PHLPP1: variants seen among roughly 807,000 people sequenced by gnomAD.
PHLPP1 encodes PH domain and leucine rich repeat protein phosphatase 1, also known as PH domain leucine-rich repeat-containing protein phosphatase 1.
In PHLPP1, 42 loss-of-function variants were observed where a neutral mutation model predicts 117.2. The ratio of observed to expected loss-of-function variants is 0.36; its 90% CI spans 0.28 to 0.46. PHLPP1 has a LOEUF of 0.46. Among genes scored for constraint, PHLPP1 ranks in the 20% least tolerant of loss-of-function variants. The pLI, the probability that PHLPP1 is intolerant of heterozygous loss-of-function variation, is 1.00. For synonymous variants in PHLPP1, 1,042 were observed against 970.7 expected, an observed-to-expected ratio of 1.07 and a Z score of -1.37; for missense variants, 2,084 against 2,241.9, an observed-to-expected ratio of 0.93 and a Z score of 1.42.
chr18:62,919,224 A>T (rs1017104324), intron 9 of PHLPP1, among the ~76,000 whole-genome samples: 46 of 152,176 alleles, frequency 3.0e-4, no homozygotes. Flanking sequence ...GAGAAGTCTG[A>T]AGTGGTCATA....
rs376948457 is a variant in PHLPP1 at position 62,963,389 on chromosome 18, T to C, written c.3477T>C (p.Ile1159=). The stretch of plus-strand genomic sequence containing the variant: ...TTAGTAATATCCGCTGTTTCAAGAT[T>C]GATCAGCCTTCTACAGGAGACGCTT... ...ELLNNIRCFK[I]DQPSTGDASG... is the part of the protein sequence containing the mutation. Residue 1159 remains isoleucine, a synonymous_variant, in exon 14 of 17, where the codon ATT becomes ATC. Coordinates refer to ENST00000262719, the MANE Select transcript of PHLPP1 (RefSeq NM_194449.4). 1.5e-4 allele frequency: 234 copies of C among 1,612,794 alleles called. No individual in the cohort carries two copies. The African/African-American group carries it at 2.8e-3, about 19-fold the overall frequency.
At position 62,941,809 on chromosome 18, in the gene PHLPP1, T is replaced by C. The variant is rs762066950; in HGVS notation, c.3052T>C (p.Tyr1018His). 1.1e-5 allele frequency: 17 copies of C among 1,613,992 alleles called. 1 individual carries two copies. The South Asian group carries it at 1.9e-4, about 18-fold the overall frequency. Residue 1018 changes from tyrosine (Y) to histidine (H), a missense_variant, in exon 11 of 17, where the codon TAT becomes CAT. Tyr to His is a moderately conservative substitution (Grantham distance 83). Coordinates refer to ENST00000262719, the MANE Select transcript of PHLPP1 (RefSeq NM_194449.4). ...GACAAACAGTATCTTACAAGAGTTG[T>C]ATTTGACAAATAACAGCCTCACAGA... is the stretch of plus-strand genomic sequence containing the variant. ...EETNSILQEL[Y>H]LTNNSLTDKC... is the part of the protein sequence containing the mutation.
intron 4 of PHLPP1, among the ~76,000 whole-genome samples, chr18:62,884,991 C>T (rs1162123799): frequency 6.6e-6 from 1 of 152,194 alleles, no homozygotes; most frequent in Non-Finnish European, 1.5e-5. Context: ...AAATAGTCAT[C>T]ATGCTGTTTA....
At chr18:62,917,512 CTGT>C (rs1286336067) in intron 9 of PHLPP1, among the ~76,000 whole-genome samples, 1 of 151,016 alleles carries the variant, frequency 6.6e-6, no homozygotes, top group Non-Finnish European at 1.5e-5. Context: ...TGTGTGAGCC[CTGT>C]TGTTGATGTA....
At chr18:62,873,220 A>C (rs932477773) in intron 4 of PHLPP1, among the ~76,000 whole-genome samples, 1 of 152,126 alleles carries the variant, frequency 6.6e-6, no homozygotes, top group Non-Finnish European at 1.5e-5. Flanking sequence ...TGATAGTAAT[A>C]ATTTGTATGT....
intron 1 of PHLPP1, among the ~76,000 whole-genome samples, chr18:62,802,818 C>T (rs1014922726): frequency 1.3e-5 from 2 of 151,804 alleles, no homozygotes; most frequent in Admixed American, 6.6e-5. Flanking sequence ...AAGGTAGAAA[C>T]GTACTAATTA....
chr18:62,732,309 G>A (rs12965913), intron 1 of PHLPP1, among the ~76,000 whole-genome samples: 7,091 of 152,218 alleles, frequency 0.047, 181 homozygotes, highest in Middle Eastern at 0.061. Flanking sequence ...TACCATTTTG[G>A]AAATCCTAGG....
intron 13 of PHLPP1, among the ~76,000 whole-genome samples, chr18:62,962,289 G>A (rs1910793126): frequency 6.6e-6 from 1 of 151,952 alleles, no homozygotes; most frequent in African/African-American, 2.4e-5. Context: ...GTTCTTTTAT[G>A]TTATGTTATG....
chr18:62,873,016 G>A (rs1251297562), intron 4 of PHLPP1, among the ~76,000 whole-genome samples: 1 of 146,622 alleles, frequency 6.8e-6, no homozygotes, highest in Admixed American at 6.9e-5. Flanking sequence ...AAGAAAAGGG[G>A]AGGTCAGAGC....
Position 62,966,720 on chromosome 18 carries a change from C to T in PHLPP1, c.3560+3248C>T, listed in dbSNP as rs539016693. Among the ~76,000 whole-genome samples the T allele has an allele frequency of 5.3e-5, 8 of 152,230 alleles. No individual in the cohort carries two copies. In the East Asian group the frequency reaches 9.6e-4, roughly 18 times the overall value. The stretch of plus-strand genomic sequence containing the variant: ...TCCTGACCTCATGATCCGCCCGCCT[C>T]GGCCTCCCAAAGTGCTGGGATTACA... On this transcript the variant is annotated intron_variant, in intron 14 of 16. Transcript: ENST00000262719.
intron 1 of PHLPP1, among the ~76,000 whole-genome samples, chr18:62,800,497 T>TA (rs1913747242): frequency 6.6e-6 from 1 of 152,070 alleles, no homozygotes; most frequent in Non-Finnish European, 1.5e-5. Flanking sequence ...TGCTTCTAGA[T>TA]TAGTCATGGA....
chr18:62,797,753 T>C (rs1913667515), intron 1 of PHLPP1, among the ~76,000 whole-genome samples: 1 of 152,218 alleles, frequency 6.6e-6, no homozygotes. Flanking sequence ...TTAAATGATA[T>C]AATTTTTCAT....
chr18:62,763,799 T>C (rs1912345384), intron 1 of PHLPP1, among the ~76,000 whole-genome samples: 1 of 152,210 alleles, frequency 6.6e-6, no homozygotes, highest in Non-Finnish European at 1.5e-5. Context: ...CAGAGATTTT[T>C]TTTTCTATGG....
In PHLPP1 at chr18:62,716,904, C is replaced by T; in HGVS notation, c.1221C>T (p.Pro407=). ...PGHPAQPLPL[P]QTASSPQPQQ... ...ACCCCGCGCAGCCCCTCCCGCTTCCCCAGACGGCTTCCTCGCCTCAGCCGC... is the reference window on the plus strand; with the variant it reads ...ACCCCGCGCAGCCCCTCCCGCTTCCTCAGACGGCTTCCTCGCCTCAGCCGC... The change falls in exon 1 of 17, where the codon CCC becomes CCT. Residue 407 remains proline (P), a synonymous_variant. Coordinates refer to ENST00000262719, the MANE Select transcript of PHLPP1 (RefSeq NM_194449.4). The surrounding 1 kb of genome is among the most constrained non-coding windows in gnomAD (Gnocchi z 5.7). The T allele has an allele frequency of 6.5e-7, 1 of 1,532,488 alleles. No individual in the cohort carries two copies. Among genetic ancestry groups the T allele is most frequent in the Non-Finnish European group, 8.7e-7 (1 of 1,144,972 alleles). The allele number at this position is 1,532,488 out of a possible 1,614,324, so 94.9% of individuals were successfully genotyped here. A position where few individuals can be genotyped will look rare whatever the true frequency, so the allele number is the denominator to read the frequency against.
chr18:62,963,025 T>G (rs1220785584), intron 13 of PHLPP1, among the ~76,000 whole-genome samples: 1 of 152,228 alleles, frequency 6.6e-6, no homozygotes, highest in East Asian at 1.9e-4. Flanking sequence ...AATACACCCA[T>G]CCTATTACTT....
intron 1 of PHLPP1, among the ~76,000 whole-genome samples, chr18:62,827,271 G>C (rs943193505): frequency 2.0e-5 from 3 of 152,282 alleles, no homozygotes; most frequent in Admixed American, 2.0e-4. Context: ...CCTTAAGCCT[G>C]TAGGGAATTA....
In PHLPP1 at chr18:62,776,323, A is replaced by G. The variant is rs377297615; in HGVS notation, c.1577-53712A>G. Among the ~76,000 whole-genome samples the G allele has an allele frequency of 1.7e-4, 26 of 152,240 alleles. No individual in the cohort carries two copies. The East Asian group carries it at 1.7e-3, about 10-fold the overall frequency. ...GATTTCTATGTTAGTGTATTGAGTC[A>G]GAATTCCTCTTCCTCTGGGAAATCT... On this transcript the variant is annotated intron_variant, in intron 1 of 16. Coordinates refer to ENST00000262719, the MANE Select transcript of PHLPP1 (RefSeq NM_194449.4).
chr18:62,936,862 G>C (rs1035075797), intron 10 of PHLPP1, among the ~76,000 whole-genome samples: 4 of 152,178 alleles, frequency 2.6e-5, no homozygotes, highest in African/African-American at 9.7e-5. Flanking sequence ...AGATGGAACT[G>C]TCAAAAGTAC....
chr18:62,931,783 T>C (rs1349186018), intron 10 of PHLPP1, among the ~76,000 whole-genome samples: 5 of 146,434 alleles, frequency 3.4e-5, no homozygotes, highest in Non-Finnish European at 5.9e-5. Flanking sequence ...TAATCCCAGC[T>C]ACTAGGGAGG....
Sources: gnomAD v4.1 joint callset for allele counts (sites outside exome capture counted in the v4.1 genomes callset) on GRCh38, gnomAD v4.1.1 for gene constraint, Gnocchi (gnomAD v3.1) non-coding constraint, MANE v1.5 for transcripts, NCBI Gene and HGNC (gene_info 2026-07-23, HGNC 2026-07-21) for gene names.